INTU: variants seen among roughly 807,000 people sequenced by gnomAD.
The protein encoded by INTU is inturned planar cell polarity protein.
Under a neutral mutation model 100.5 loss-of-function variants are expected in INTU, and 68 were observed. The ratio of observed to expected loss-of-function variants is 0.68; its 90% CI spans 0.56 to 0.83. The LOEUF (loss-of-function observed/expected upper bound fraction) is 0.83, where lower values mean the gene tolerates loss of function less well. Ranked by LOEUF, INTU falls within the 40% of genes least tolerant of loss-of-function variation. The pLI, the probability that INTU is intolerant of heterozygous loss-of-function variation, is 0.00. For synonymous variants in INTU, 357 were observed against 395.7 expected, an observed-to-expected ratio of 0.90 and a Z score of 1.16; for missense variants, 1,071 against 1,114.7, an observed-to-expected ratio of 0.96 and a Z score of 0.56.
chr4:127,686,625 T>G (rs1158848716), intron 7 of INTU: 2 of 152,218 alleles, frequency 1.3e-5, no homozygotes, highest in Non-Finnish European at 2.9e-5. Context: ...TCTCAGAGAT[T>G]CTTCTCCAAC....
intron 14 of INTU, among the ~76,000 whole-genome samples, chr4:127,712,028 G>A (rs1233745241): frequency 6.6e-6 from 1 of 152,106 alleles, no homozygotes; most frequent in African/African-American, 2.4e-5. Context: ...ACTTACAGAG[G>A]TTTACTTGTG....
intron 3 of INTU, among the ~76,000 whole-genome samples, chr4:127,657,490 C>T (rs867085589): frequency 1.3e-5 from 2 of 151,968 alleles, no homozygotes; most frequent in East Asian, 1.9e-4. Flanking sequence ...GGTAGTGGTT[C>T]GTGGCCTGTT....
chr4:127,651,959 G>T (rs1392544838), intron 2 of INTU, among the ~76,000 whole-genome samples: 1 of 150,156 alleles, frequency 6.7e-6, no homozygotes, highest in Non-Finnish European at 1.5e-5. Flanking sequence ...GGATCCCTAG[G>T]TATTTTATTC....
chr4:127,699,250 G>A (rs369032023), intron 8 of INTU: 19 of 152,184 alleles, frequency 1.2e-4, no homozygotes, highest in African/African-American at 4.3e-4. Context: ...ATATATATTT[G>A]TATTACAGAT....
At chr4:127,702,667 T>C (rs1730699847) in intron 9 of INTU, among the ~76,000 whole-genome samples, 1 of 152,196 alleles carries the variant, frequency 6.6e-6, no homozygotes, top group African/African-American at 2.4e-5. Context: ...TATTCTACAC[T>C]TTTTGGTGAA....
chr4:127,651,404 A>G (rs56311670), intron 2 of INTU, among the ~76,000 whole-genome samples: 226 of 152,314 alleles, frequency 1.5e-3, no homozygotes, highest in Non-Finnish European at 2.5e-3. Context: ...TATAAGGTGT[A>G]AGGAAGGGAT....
intron 6 of INTU, among the ~76,000 whole-genome samples, chr4:127,679,182 T>C (rs553188492): frequency 6.6e-6 from 1 of 152,084 alleles, no homozygotes; most frequent in South Asian, 2.1e-4. Context: ...CTGTCAACAT[T>C]AGACAGATCA....
At chr4:127,673,583 G>C (rs988101866) in intron 5 of INTU, among the ~76,000 whole-genome samples, 18 of 147,100 alleles carry the variant, frequency 1.2e-4, no homozygotes, top group African/African-American at 4.5e-4. Flanking sequence ...GTCTATTTTT[G>C]TTTGGCCTAG....
intron 2 of INTU, among the ~76,000 whole-genome samples, chr4:127,646,006 G>A (rs1578532613): frequency 6.6e-6 from 1 of 151,904 alleles, no homozygotes; most frequent in East Asian, 2.0e-4. Flanking sequence ...AACATGGCAA[G>A]ACCCCGTGTC....
intron 6 of INTU, among the ~76,000 whole-genome samples, chr4:127,675,581 G>C (rs1729137873): frequency 6.6e-6 from 1 of 152,188 alleles, no homozygotes; most frequent in African/African-American, 2.4e-5. Context: ...CTAGCAGGTA[G>C]TTCTGCCTCA....
chr4:127,684,362 T>A lies in INTU; in HGVS notation c.1182-47T>A, dbSNP rs1023995077. The A allele has an allele frequency of 1.9e-5, 19 of 1,004,796 alleles. No individual in the cohort carries two copies. The East Asian group carries it at 4.6e-4, about 24-fold the overall frequency. 62.2% of individuals were successfully genotyped at this position (1,004,796 alleles called of 1,614,324 possible). ...ATGATCTACTTCTTTTAGATAAATG[T>A]CATTTGATTATGTTGTAAATTAATA... On this transcript the variant is annotated intron_variant, in intron 6 of 15. Coordinates refer to ENST00000335251, the MANE Select transcript of INTU (RefSeq NM_015693.4).
At chr4:127,660,575 C>T (rs1386879053) in intron 3 of INTU, among the ~76,000 whole-genome samples, 1 of 152,118 alleles carries the variant, frequency 6.6e-6, no homozygotes, top group African/African-American at 2.4e-5. Context: ...CAGAGGATTT[C>T]TTTGTTTGGT....
rs544836254 is a variant in INTU, at chr4:127,706,414, G to T, written c.1789-73G>T. ...GCCTCTATGTCTTCGATATTTATAAGTTTATACATGCACATTTTATGTAAA... is the reference window on the plus strand; with the variant it reads ...GCCTCTATGTCTTCGATATTTATAATTTTATACATGCACATTTTATGTAAA... On this transcript the variant is annotated intron_variant, in intron 11 of 15. Transcript: ENST00000335251. The T allele has an allele frequency of 1.0e-4, 134 of 1,307,384 alleles. No homozygotes were observed. In the East Asian group the frequency reaches 3.1e-3, roughly 31 times the overall value. The allele number at this position is 1,307,384 out of a possible 1,614,324, so 81.0% of individuals were successfully genotyped here. A position where few individuals can be genotyped will look rare whatever the true frequency, so the allele number is the denominator to read the frequency against.
intron 6 of INTU, among the ~76,000 whole-genome samples, chr4:127,677,937 A>G (rs1253261517): frequency 6.6e-6 from 1 of 152,254 alleles, no homozygotes; most frequent in Non-Finnish European, 1.5e-5. Context: ...CCAAGGCTCG[A>G]GAACTACGTG....
intron 15 of INTU, 80 bp downstream of exon 15, chr4:127,714,173 AATGTAAGC>A: frequency 8.3e-7 from 1 of 1,205,088 alleles, no homozygotes; most frequent in Non-Finnish European, 1.2e-6. Context: ...AACATTTTAA[AATGTAAGC>A]ATGGAATTTT....
chr4:127,669,501 G>T (rs1240743327), intron 5 of INTU, among the ~76,000 whole-genome samples: 1 of 151,656 alleles, frequency 6.6e-6, no homozygotes, highest in East Asian at 1.9e-4. Flanking sequence ...TATCTTTTAA[G>T]CATGGCATTA....
chr4:127,676,123 CT>C (rs1046449774), intron 6 of INTU: 8 of 167,056 alleles, frequency 4.8e-5, no homozygotes, highest in Non-Finnish European at 9.4e-5. Context: ...GGGTTCAAAT[CT>C]TTTTACATGG....
chr4:127,721,938 T>C lies in INTU; in HGVS notation c.*5502T>C, dbSNP rs1731352046. ...TCCCTTAGCTTGGTGAAGTTCGTTA[T>C]TTCCCATCTTGGATGGATGATTGAC... On this transcript the variant is annotated 3_prime_UTR_variant, in exon 16 of 16. Coordinates refer to ENST00000335251, the MANE Select transcript of INTU (RefSeq NM_015693.4). 6.6e-6 allele frequency: 1 copy of C among 152,228 alleles called. No individual in the cohort carries two copies. The highest frequency in any genetic ancestry group is 2.1e-4 in the South Asian group (1 of 4,834). The allele number at this position is 152,228 out of a possible 1,614,324, so 9.4% of individuals were successfully genotyped here.
chr4:127,655,573 T>G (rs1728155174), intron 2 of INTU, among the ~76,000 whole-genome samples: 1 of 151,696 alleles, frequency 6.6e-6, no homozygotes, highest in Admixed American at 6.6e-5. Flanking sequence ...GGAGGCAGTC[T>G]GCCCATTCTC....
Sources: allele counts gnomAD v4.1 joint callset (sites outside exome capture counted in the v4.1 genomes callset), GRCh38; gene constraint gnomAD v4.1.1; transcripts MANE v1.5; gene names NCBI Gene and HGNC (gene_info 2026-07-23, HGNC 2026-07-21).